Variants in AGTPBP1 observed in about 807,000 individuals in gnomAD.
The protein encoded by AGTPBP1 is cytosolic carboxypeptidase 1.
Under a neutral mutation model 143.9 loss-of-function variants are expected in AGTPBP1, and 70 were observed. The observed-to-expected ratio is 0.49, with a 90% CI of 0.40 to 0.59. The LOEUF is 0.59. Among genes scored for constraint, AGTPBP1 ranks in the 20% least tolerant of loss-of-function variants. The pLI, the probability that AGTPBP1 is intolerant of heterozygous loss-of-function variation, is 0.00. For synonymous variants in AGTPBP1, 463 were observed against 500.2 expected, an observed-to-expected ratio of 0.93 and a Z score of 0.99; for missense variants, 1,229 against 1,464.5, an observed-to-expected ratio of 0.84 and a Z score of 2.62.
Position 85,667,678 on chromosome 9 carries a change from C to A in AGTPBP1, c.662+1807G>T, listed in dbSNP as rs1303249368. 2.0e-5 allele frequency among the ~76,000 whole-genome samples: 3 copies of A among 151,938 alleles called. No homozygotes were observed. In the East Asian group the frequency reaches 5.8e-4, roughly 29 times the overall value. On this transcript the variant is annotated intron_variant, in intron 8 of 25. Coordinates refer to ENST00000357081, the MANE Select transcript of AGTPBP1 (RefSeq NM_001330701.2). ...CTAATCAAGCCACAGTTTTATCAGTCTACAGAAAATGTAAGGGATATACTC... is the reference window on the plus strand; with the variant it reads ...CTAATCAAGCCACAGTTTTATCAGTATACAGAAAATGTAAGGGATATACTC...
chr9:85,680,145 C>T (rs897555255), intron 4 of AGTPBP1, among the ~76,000 whole-genome samples: 1 of 152,264 alleles, frequency 6.6e-6, no homozygotes, highest in South Asian at 2.1e-4. Flanking sequence ...ATCTATTACT[C>T]ATGCATAATT....
At chr9:85,652,321 C>A (rs902085240) in intron 11 of AGTPBP1, among the ~76,000 whole-genome samples, 4 of 152,030 alleles carry the variant, frequency 2.6e-5, no homozygotes, top group African/African-American at 7.2e-5. Context: ...CCATCCTAGC[C>A]AACATGGTGA....
chr9:85,774,024 C>T, the AGTPBP1 span: 3 of 1,601,014 alleles, frequency 1.9e-6, no homozygotes, highest in African/African-American at 1.3e-5. Flanking sequence ...GTTGCTGTTA[C>T]ATCATTTCAA....
At chr9:85,674,405 AT>A (rs1397235004) in intron 6 of AGTPBP1, among the ~76,000 whole-genome samples, 4 of 152,072 alleles carry the variant, frequency 2.6e-5, no homozygotes. Context: ...AATGATAAAT[AT>A]TTTTAAAATC....
At chr9:85,742,112 C>T (rs1055059103), upstream of AGTPBP1, 25 of 954,118 alleles carry the variant, frequency 2.6e-5, no homozygotes, top group East Asian at 1.1e-3. Flanking sequence ...TTGTTACCTC[C>T]GTGCGCGCTG....
the AGTPBP1 span, among the ~76,000 whole-genome samples, chr9:85,769,350 A>G: frequency 2.6e-5 from 4 of 152,060 alleles, no homozygotes; most frequent in Non-Finnish European, 5.9e-5. Context: ...ATTCCTTACC[A>G]TAGATTTGTA....
the AGTPBP1 span, among the ~76,000 whole-genome samples, chr9:85,763,831 A>G: frequency 2.7e-3 from 416 of 152,252 alleles, 2 homozygotes; most frequent in African/African-American, 8.7e-3. Flanking sequence ...CTTTTTTAAA[A>G]TTATAAACCT....
At chr9:85,788,953 T>G in the AGTPBP1 span, among the ~76,000 whole-genome samples, 1 of 151,864 alleles carries the variant, frequency 6.6e-6, no homozygotes, top group African/African-American at 2.4e-5. Flanking sequence ...ATAATTCATT[T>G]GAGAATGTAT....
intron 1 of AGTPBP1, among the ~76,000 whole-genome samples, chr9:85,736,163 G>C (rs1173230720): frequency 6.6e-6 from 1 of 152,138 alleles, no homozygotes; most frequent in African/African-American, 2.4e-5. Flanking sequence ...TACCGGGTCT[G>C]ATTTTTGTTT....
intron 24 of AGTPBP1, among the ~76,000 whole-genome samples, chr9:85,575,741 G>A (rs1018871627): frequency 1.3e-5 from 2 of 152,016 alleles, no homozygotes; most frequent in African/African-American, 4.8e-5. Context: ...CACACTAGGG[G>A]GAAAAAATAC....
chr9:85,553,434 T>C (rs1367243395), intron 25 of AGTPBP1, among the ~76,000 whole-genome samples: 1 of 152,252 alleles, frequency 6.6e-6, no homozygotes, highest in East Asian at 1.9e-4. Flanking sequence ...TTTGCCTGAC[T>C]GCAGGCTACT....
At chr9:85,672,960 CCTGACCTCAAGTGAT>C (rs1177750575) in intron 6 of AGTPBP1, among the ~76,000 whole-genome samples, 5 of 152,012 alleles carry the variant, frequency 3.3e-5, no homozygotes, top group African/African-American at 9.7e-5. Context: ...GTCTGAAACT[CCTGACCTCAAGTGAT>C]CTGCCCGCCT....
In AGTPBP1 at chr9:85,692,705, A is replaced by T. The variant is rs745372920; in HGVS notation, c.141T>A (p.His47Gln). The T allele has an allele frequency of 6.2e-7, 1 of 1,613,986 alleles. No individual in the cohort carries two copies. Among genetic ancestry groups the T allele is most frequent in the Admixed American group, 1.7e-5 (1 of 60,004 alleles). ...AATGTTTACCTTGACTCTGAGCCAG[A>T]TGAAGAATTTTTGATGTAACATATC... The part of the protein sequence containing the change: ...TARYVTSKIL[H>Q]LAQSQEKTRR... Residue 47 changes from histidine (H) to glutamine (Q), a missense_variant, in exon 3 of 26, where the codon CAT (histidine) becomes CAA (glutamine). Physicochemically the swap from His to Gln is conservative, Grantham distance 24. Around this residue, in one of 2 missense-constraint regions of AGTPBP1, gnomAD observed 743 missense variants for 812.2 expected, o/e 0.91. Coordinates refer to ENST00000357081, the MANE Select transcript of AGTPBP1 (RefSeq NM_001330701.2).
intron 15 of AGTPBP1, among the ~76,000 whole-genome samples, chr9:85,620,395 G>A (rs1308105454): frequency 1.4e-5 from 2 of 147,602 alleles, no homozygotes; most frequent in Non-Finnish European, 3.0e-5. Context: ...GCCAGCCTAG[G>A]AGACAGAGTG....
chr9:85,804,453 C>T, the AGTPBP1 span, among the ~76,000 whole-genome samples: 1 of 152,180 alleles, frequency 6.6e-6, no homozygotes, highest in Non-Finnish European at 1.5e-5. Flanking sequence ...CAGTACTCTG[C>T]CACTTTTCAC....
intron 1 of AGTPBP1, among the ~76,000 whole-genome samples, chr9:85,739,983 G>T (rs1269238351): frequency 1.3e-5 from 2 of 149,160 alleles, no homozygotes; most frequent in Non-Finnish European, 3.0e-5. Context: ...TAGCCTGGGC[G>T]AGAGAGTGAG....
At chr9:85,556,055 G>A (rs1378463047) in intron 25 of AGTPBP1, among the ~76,000 whole-genome samples, 1 of 152,044 alleles carries the variant, frequency 6.6e-6, no homozygotes, top group Non-Finnish European at 1.5e-5. Flanking sequence ...ACCCAGGCGA[G>A]GAAATAATCT....
chr9:85,674,123 A>T, intron 6 of AGTPBP1, among the ~76,000 whole-genome samples: 1 of 45,330 alleles, frequency 2.2e-5, no homozygotes. Flanking sequence ...ACTCCATCTT[A>T]AAAAAAAAAA....
At position 85,659,910 on chromosome 9, in the gene AGTPBP1, T is replaced by C. The variant is rs115867514; in HGVS notation, c.700+1026A>G. Among the ~76,000 whole-genome samples, 468 of 152,222 alleles carry C rather than the reference T, an allele frequency of 3.1e-3. 3 individuals are homozygous for C. Among genetic ancestry groups the C allele is most frequent in the African/African-American group, 0.011 (449 of 41,540 alleles). On this transcript the variant is annotated intron_variant, in intron 9 of 25. Transcript: ENST00000357081. ...TCTTGGTCTAAAGCTTACCACATCATATATGAAAATAAAGCTACAAAGCTA... is the reference window on the plus strand; with the variant it reads ...TCTTGGTCTAAAGCTTACCACATCACATATGAAAATAAAGCTACAAAGCTA...
Sources: gnomAD v4.1 joint callset for allele counts (sites outside exome capture counted in the v4.1 genomes callset) on GRCh38, gnomAD v4.1.1 for gene constraint, gnomAD v4.1.1 regional missense constraint, MANE v1.5 for transcripts, NCBI Gene and HGNC (gene_info 2026-07-23, HGNC 2026-07-21) for gene names.